The following PIEZO2 variants were observed in gnomAD, a reference collection of about 807,000 sequenced individuals.
The protein encoded by PIEZO2 is piezo type mechanosensitive ion channel component 2.
A neutral mutation model predicts 337.3 loss-of-function variants in PIEZO2; 172 were observed. That is an observed-to-expected ratio of 0.51 (90% confidence interval 0.45 to 0.58). The LOEUF is 0.58. Among genes scored for constraint, PIEZO2 ranks in the 20% least tolerant of loss-of-function variants. PIEZO2 has a pLI of 0.00. For synonymous variants in PIEZO2, 1,251 were observed against 1,228.5 expected (o/e 1.02, Z -0.38); for missense variants, 3,028 against 3,391.3 (o/e 0.89, Z 2.66).
intron 36 of PIEZO2, chr18:10,725,137 A>G (rs2036480296): frequency 6.9e-7 from 1 of 1,456,122 alleles, no homozygotes; most frequent in African/African-American, 1.4e-5. Flanking sequence ...GCCCATGCCT[A>G]TGGCTGTGCT....
intron 4 of PIEZO2, among the ~76,000 whole-genome samples, chr18:10,891,017 T>C (rs569110123): frequency 7.4e-4 from 113 of 152,234 alleles, no homozygotes; most frequent in African/African-American, 2.7e-3. Flanking sequence ...TGAAATCACG[T>C]GTTGTACCAG....
intron 36 of PIEZO2, among the ~76,000 whole-genome samples, chr18:10,718,879 C>A (rs896263990): frequency 6.6e-6 from 1 of 151,774 alleles, no homozygotes; most frequent in African/African-American, 2.4e-5. Flanking sequence ...CCTGTAGTCC[C>A]AGCTATTTGG....
intron 5 of PIEZO2, among the ~76,000 whole-genome samples, chr18:10,869,949 C>A (rs1324535390): frequency 2.1e-4 from 31 of 150,746 alleles, no homozygotes; most frequent in African/African-American, 7.3e-4. Context: ...GATCTCGGCT[C>A]ACTGCAACCT....
intron 3 of PIEZO2, among the ~76,000 whole-genome samples, chr18:10,960,950 G>A (rs1024311315): frequency 5.9e-5 from 9 of 152,026 alleles, no homozygotes; most frequent in African/African-American, 7.2e-5. Flanking sequence ...AGGCTGAGGC[G>A]GGCGGATCAT....
rs556787398 is a variant in PIEZO2 at position 10,993,037 on chromosome 18, G to A, written c.161-13377C>T. Among the ~76,000 whole-genome samples the A allele has an allele frequency of 6.6e-5, 10 of 152,236 alleles. No individual in the cohort carries two copies. The South Asian group carries it at 1.9e-3, about 28-fold the overall frequency. ...TGATTTGGCTGTTTGTCTGTTATTG[G>A]TGTATAGGAATGCTTGTGATTTTTG... On this transcript the variant is annotated intron_variant, in intron 2 of 55. Coordinates refer to ENST00000674853, the MANE Select transcript of PIEZO2 (RefSeq NM_001378183.1). This position sits in a 1 kb window ranked among gnomAD's most constrained non-coding sequence, Gnocchi z 5.0.
rs72872214 is a variant in PIEZO2, at chr18:11,035,169, C to A, written c.160+30958G>T. Among the ~76,000 whole-genome samples, 31,157 of 152,120 alleles carry A rather than the reference C, an allele frequency of 0.2. 3,692 individuals carry two copies. The highest frequency in any genetic ancestry group is 0.32 in the African/African-American group (13,369 of 41,470). ...GATGGTTTGGATACTGTCCTCTCTC[C>A]AATTTCTTGTTGAAATGTGATCCCC... On this transcript the variant is annotated intron_variant, in intron 2 of 55. Coordinates refer to ENST00000674853, the MANE Select transcript of PIEZO2 (RefSeq NM_001378183.1). This position sits in a 1 kb window ranked among gnomAD's most constrained non-coding sequence, Gnocchi z 4.3.
Position 11,132,216 on chromosome 18 carries a change from C to T in PIEZO2, c.64+16309G>A, listed in dbSNP as rs1003791852. 6.6e-6 allele frequency among the ~76,000 whole-genome samples: 1 copy of T among 152,210 alleles called. No individual in the cohort carries two copies. Among genetic ancestry groups the T allele is most frequent in the Non-Finnish European group, 1.5e-5 (1 of 68,030 alleles). On this transcript the variant is annotated intron_variant, in intron 1 of 55. Transcript: ENST00000674853. This position sits in a 1 kb window ranked among gnomAD's most constrained non-coding sequence, Gnocchi z 4.7. The stretch of plus-strand genomic sequence containing the variant: ...CAATGCTTCTGCCAAGACTACCATC[C>T]ATGGACTCACAGAATGCCTTATCCA...
intron 27 of PIEZO2, among the ~76,000 whole-genome samples, chr18:10,756,104 G>A (rs558328652): frequency 6.6e-6 from 1 of 150,484 alleles, no homozygotes; most frequent in South Asian, 2.1e-4. Flanking sequence ...AGGAGAGATA[G>A]GGGATGAGGA....
At chr18:11,100,566 G>T (rs1302013595) in intron 1 of PIEZO2, among the ~76,000 whole-genome samples, 1 of 151,910 alleles carries the variant, frequency 6.6e-6, no homozygotes, top group Non-Finnish European at 1.5e-5. Flanking sequence ...TGCTCCATTT[G>T]ATTCATTTCA....
At position 10,982,603 on chromosome 18, in the gene PIEZO2, C is replaced by T. The variant is rs116785548; in HGVS notation, c.161-2943G>A. Reference sequence around the variant, plus strand: ...AATTTCAACAAACATTTTAAAAATACATTTGGAAAAATAAGACTGAATTGC... The same window carrying T: ...AATTTCAACAAACATTTTAAAAATATATTTGGAAAAATAAGACTGAATTGC... On this transcript the variant is annotated intron_variant, in intron 2 of 55. Coordinates refer to ENST00000674853, the MANE Select transcript of PIEZO2 (RefSeq NM_001378183.1). The surrounding 1 kb of genome is among the most constrained non-coding windows in gnomAD (Gnocchi z 4.1). Among the ~76,000 whole-genome samples, 5,075 of 152,230 alleles carry T rather than the reference C, an allele frequency of 0.033. 147 individuals are homozygous for T. Among genetic ancestry groups the T allele is most frequent in the African/African-American group, 0.072 (3,007 of 41,532 alleles).
At position 10,807,186 on chromosome 18, in the gene PIEZO2, CGTG is replaced by C; in HGVS notation, c.1003_1005del (p.His335del). On this transcript the variant is annotated inframe_deletion, in exon 8 of 56. Coordinates refer to ENST00000674853, the MANE Select transcript of PIEZO2 (RefSeq NM_001378183.1). ...ATCACCAGCAGGAGGATAGGGTTGG[CGTG>C]GTGGTACCACGACAGGTCCGGGTTC... 6.5e-7 allele frequency: 1 copy of C among 1,537,192 alleles called. No homozygotes were observed. The highest frequency in any genetic ancestry group is 2.4e-5 in the East Asian group (1 of 40,914).
In PIEZO2 at chr18:10,876,463, A is replaced by G. The variant is rs1244003892; in HGVS notation, c.330-5048T>C. ...TGTTTCTCTTTGAAATGAATGAATA[A>G]TTTGGAAACTATACTAATGTACATA... On this transcript the variant is annotated intron_variant, in intron 4 of 55. Transcript: ENST00000674853. Among the ~76,000 whole-genome samples, 5 of 152,288 alleles carry G rather than the reference A, an allele frequency of 3.3e-5. No homozygotes were observed. In the East Asian group the frequency reaches 5.8e-4, roughly 18 times the overall value.
intron 33 of PIEZO2, chr18:10,740,733 A>G (rs946336242): frequency 3.5e-5 from 19 of 545,078 alleles, no homozygotes; most frequent in East Asian, 2.9e-4. Flanking sequence ...GCAATATAAT[A>G]TTCAATTCTT....
chr18:11,116,202 T>TA lies in PIEZO2; in HGVS notation c.64+32322dup, dbSNP rs1438361006. Among the ~76,000 whole-genome samples the TA allele has an allele frequency of 2.6e-5, 4 of 152,200 alleles. No individual in the cohort carries two copies. Among genetic ancestry groups the TA allele is most frequent in the Non-Finnish European group, 5.9e-5 (4 of 68,036 alleles). ...ATAAAAACATGGCCAGTGCTCAGAT[T>TA]ATGCCCACTGCCTTCAATATCCAGC... On this transcript the variant is annotated intron_variant, in intron 1 of 55. Coordinates refer to ENST00000674853, the MANE Select transcript of PIEZO2 (RefSeq NM_001378183.1). The surrounding 1 kb of genome is among the most constrained non-coding windows in gnomAD (Gnocchi z 5.0).
intron 5 of PIEZO2, among the ~76,000 whole-genome samples, chr18:10,860,079 T>A (rs1223012963): frequency 6.6e-6 from 1 of 152,184 alleles, no homozygotes; most frequent in Non-Finnish European, 1.5e-5. Context: ...GAAAATTCAG[T>A]TCTGAGACCC....
chr18:10,997,255 AAAAG>A (rs1012655844), intron 2 of PIEZO2, among the ~76,000 whole-genome samples: 10 of 151,900 alleles, frequency 6.6e-5, no homozygotes, highest in African/African-American at 1.2e-4. Context: ...AAAAAAAAAA[AAAAG>A]AAAGAAAGAA....
At position 10,969,071 on chromosome 18, in the gene PIEZO2, C is replaced by T. The variant is rs1056205138; in HGVS notation, c.286+10464G>A. ...GCTTATGTCATACAAATAATATTTT[C>T]TAGAATGTCATTACTATGCTTAGCC... is the stretch of plus-strand genomic sequence containing the variant. On this transcript the variant is annotated intron_variant, in intron 3 of 55. Coordinates refer to ENST00000674853, the MANE Select transcript of PIEZO2 (RefSeq NM_001378183.1). The surrounding 1 kb of genome is among the most constrained non-coding windows in gnomAD (Gnocchi z 4.5). Among the ~76,000 whole-genome samples, 4 of 152,170 alleles carry T rather than the reference C, an allele frequency of 2.6e-5. No individual in the cohort carries two copies. The highest frequency in any genetic ancestry group is 4.4e-5 in the Non-Finnish European group (3 of 68,030).
chr18:10,730,209 A>G (rs1416495726), intron 36 of PIEZO2, among the ~76,000 whole-genome samples: 1 of 152,212 alleles, frequency 6.6e-6, no homozygotes, highest in Non-Finnish European at 1.5e-5. Flanking sequence ...ACTACTTCAC[A>G]ATACAACTCA....
At chr18:11,081,650 A>T (rs933489766) in intron 1 of PIEZO2, among the ~76,000 whole-genome samples, 4 of 152,082 alleles carry the variant, frequency 2.6e-5, no homozygotes, top group African/African-American at 7.2e-5. Context: ...CCAGGCTTGG[A>T]TGCCTAGCTT....
Sources: gnomAD v4.1 joint callset for allele counts (sites outside exome capture counted in the v4.1 genomes callset) on GRCh38, gnomAD v4.1.1 for gene constraint, Gnocchi (gnomAD v3.1) non-coding constraint, MANE v1.5 for transcripts, NCBI Gene and HGNC (gene_info 2026-07-23, HGNC 2026-07-21) for gene names.